Variants in BMERB1 observed in about 807,000 individuals in gnomAD.
The protein encoded by BMERB1 is bMERB domain-containing protein 1.
In BMERB1, 12 loss-of-function variants were observed where a neutral mutation model predicts 23.6. That is an observed-to-expected ratio of 0.51 (90% CI 0.33 to 0.82). BMERB1 has a LOEUF of 0.82. Ranked by LOEUF, BMERB1 falls within the 40% of genes least tolerant of loss-of-function variation. The probability of loss-of-function intolerance (pLI) is 0.03; values close to 1 mark genes in which losing one functional copy is unlikely to be tolerated. For missense variants in BMERB1, 247 were observed against 255.4 expected, an observed-to-expected ratio of 0.97 and a Z score of 0.22; for synonymous variants, 122 against 96.6, an observed-to-expected ratio of 1.26 and a Z score of -1.54.
At position 15,444,119 on chromosome 16, in the gene BMERB1, C is replaced by CTTTTTTTT. The variant is rs1225982061; in HGVS notation, c.106+9363_106+9364insTTTTTTTT. On this transcript the variant is annotated intron_variant, in intron 1 of 5. Coordinates refer to ENST00000300006, the MANE Select transcript of BMERB1 (RefSeq NM_033201.3). ...CCAAAGGCCAGGGTCCAGGCACCAG[C>CTTTTTTTT]TTTGTTTTTTTTTTTTTTTTTTTTT... Among the ~76,000 whole-genome samples the CTTTTTTTT allele has an allele frequency of 2.3e-3, 55 of 24,418 alleles. 1 individual carries two copies. The highest frequency in any genetic ancestry group is 3.2e-3 in the Non-Finnish European group (40 of 12,584). 16.0% of individuals were successfully genotyped at this position (24,418 alleles called of 152,430 possible).
At chr16:15,530,590 A>G (rs886750474) in intron 2 of BMERB1, among the ~76,000 whole-genome samples, 4 of 151,826 alleles carry the variant, frequency 2.6e-5, no homozygotes, top group African/African-American at 9.7e-5. Context: ...TGAATTTTGT[A>G]GAGATGGTGA....
At chr16:15,440,490 A>G (rs143154448) in intron 1 of BMERB1, among the ~76,000 whole-genome samples, 36 of 152,228 alleles carry the variant, frequency 2.4e-4, no homozygotes, top group South Asian at 8.3e-4. Context: ...CTGGCAATCT[A>G]TATAATAGAT....
chr16:15,523,321 T>G (rs1258853495), intron 2 of BMERB1, among the ~76,000 whole-genome samples: 1 of 152,166 alleles, frequency 6.6e-6, no homozygotes, highest in African/African-American at 2.4e-5. Flanking sequence ...CTTGGGGTTT[T>G]TATAGATACA....
intron 2 of BMERB1, among the ~76,000 whole-genome samples, chr16:15,552,336 A>G (rs2030116045): frequency 1.3e-5 from 2 of 152,094 alleles, no homozygotes; most frequent in African/African-American, 2.4e-5. Context: ...GCTACTCAGG[A>G]GGCTGAGGCA....
chr16:15,455,192 C>T (rs929136380), intron 1 of BMERB1, among the ~76,000 whole-genome samples: 1 of 151,352 alleles, frequency 6.6e-6, no homozygotes, highest in African/African-American at 2.4e-5. Context: ...GGCGTGGTGG[C>T]GTGCACCTAT....
intron 2 of BMERB1, 47 bp from the exon 3 acceptor site, chr16:15,567,936 A>G: frequency 6.4e-7 from 1 of 1,563,380 alleles, no homozygotes; most frequent in East Asian, 2.3e-5. Flanking sequence ...TCAGGGCGTA[A>G]TGCTCTGCTG....
intron 1 of BMERB1, among the ~76,000 whole-genome samples, chr16:15,507,524 G>C (rs533497592): frequency 7.2e-5 from 11 of 152,236 alleles, no homozygotes; most frequent in African/African-American, 2.6e-4. Flanking sequence ...ATGCTTTGCT[G>C]TCTCCACACA....
chr16:15,529,063 C>CTA (rs2051940689), intron 2 of BMERB1, among the ~76,000 whole-genome samples: 1 of 151,928 alleles, frequency 6.6e-6, no homozygotes, highest in Non-Finnish European at 1.5e-5. Flanking sequence ...CTAGCTCTGT[C>CTA]GCCCAGGCTG....
chr16:15,541,599 ATT>A (rs962962059), intron 2 of BMERB1, among the ~76,000 whole-genome samples: 272 of 87,846 alleles, frequency 3.1e-3, no homozygotes, highest in African/African-American at 0.011. Context: ...CTAATTTTTA[ATT>A]TTTTTTTTTT....
intron 1 of BMERB1, among the ~76,000 whole-genome samples, chr16:15,503,647 A>G (rs925361164): frequency 6.6e-5 from 10 of 152,040 alleles, no homozygotes; most frequent in African/African-American, 2.4e-4. Context: ...CCAATCCCAC[A>G]CGGATACTGA....
At chr16:15,574,691 C>T (rs980891746) in intron 3 of BMERB1, among the ~76,000 whole-genome samples, 1 of 152,016 alleles carries the variant, frequency 6.6e-6, no homozygotes, top group African/African-American at 2.4e-5. Context: ...CCTAAAAGGG[C>T]TGCATACGTT....
chr16:15,449,190 A>G (rs1215416857), intron 1 of BMERB1, among the ~76,000 whole-genome samples: 1 of 152,270 alleles, frequency 6.6e-6, no homozygotes, highest in East Asian at 1.9e-4. Context: ...TGGTACATAT[A>G]TACCGTGGAA....
intron 4 of BMERB1, among the ~76,000 whole-genome samples, 169 bp from the exon 5 acceptor site, chr16:15,582,987 C>T (rs1197922787): frequency 6.6e-6 from 1 of 152,174 alleles, no homozygotes; most frequent in Admixed American, 6.5e-5. Context: ...TGGTTCAGAG[C>T]AGGTTCACCA....
At chr16:15,438,603 G>T (rs2050909250) in intron 1 of BMERB1, among the ~76,000 whole-genome samples, 4 of 151,820 alleles carry the variant, frequency 2.6e-5, no homozygotes, top group Non-Finnish European at 4.4e-5. Context: ...GGGATTACAG[G>T]CATGCACCAC....
intron 2 of BMERB1, among the ~76,000 whole-genome samples, chr16:15,554,869 T>A (rs2030207477): frequency 6.6e-6 from 1 of 151,912 alleles, no homozygotes; most frequent in South Asian, 2.1e-4. Context: ...GGTTTCACCG[T>A]GTTAGCCAGG....
intron 2 of BMERB1, among the ~76,000 whole-genome samples, chr16:15,557,452 G>A (rs1440364022): frequency 6.6e-6 from 1 of 152,168 alleles, no homozygotes; most frequent in African/African-American, 2.4e-5. Context: ...TGAACAATAT[G>A]ATTTAATGGC....
intron 1 of BMERB1, among the ~76,000 whole-genome samples, chr16:15,456,191 T>A (rs2051086105): frequency 6.6e-6 from 1 of 152,192 alleles, no homozygotes; most frequent in Non-Finnish European, 1.5e-5. Flanking sequence ...TTGATGTGTA[T>A]CTTCTCAGTG....
At chr16:15,474,912 T>G (rs1043121422) in intron 1 of BMERB1, among the ~76,000 whole-genome samples, 1 of 151,948 alleles carries the variant, frequency 6.6e-6, no homozygotes, top group Non-Finnish European at 1.5e-5. Flanking sequence ...GGTCTTGAAC[T>G]CCTGACCTCA....
chr16:15,484,592 G>A (rs1157330283), intron 1 of BMERB1, among the ~76,000 whole-genome samples: 7 of 152,070 alleles, frequency 4.6e-5, no homozygotes, highest in Admixed American at 1.3e-4. Context: ...AGTAGAGACA[G>A]GGTTTCACCA....
Sources: gnomAD v4.1 joint callset for allele counts (sites outside exome capture counted in the v4.1 genomes callset) on GRCh38, gnomAD v4.1.1 for gene constraint, MANE v1.5 for transcripts, NCBI Gene and HGNC (gene_info 2026-07-23, HGNC 2026-07-21) for gene names.